The following KCNQ2 variants were observed in gnomAD, a reference collection of about 807,000 sequenced individuals.
The protein encoded by KCNQ2 is potassium voltage-gated channel subfamily KQT member 2.
KCNQ2 carries 14 observed loss-of-function variants against 84.8 expected under a neutral mutation model. That is an observed-to-expected ratio of 0.17 (90% confidence interval 0.11 to 0.26). KCNQ2 has a LOEUF of 0.26. KCNQ2 is among the 10% of genes least tolerant of loss of function. KCNQ2 has a pLI of 1.00. For missense variants in KCNQ2, 788 were observed against 1,254.0 expected, an observed-to-expected ratio of 0.63 and a Z score of 5.61; for synonymous variants, 599 against 554.1, an observed-to-expected ratio of 1.08 and a Z score of -1.14.
Position 63,408,586 on chromosome 20 carries a change from G to GC in KCNQ2, c.1764-51dup. On this transcript the variant is annotated intron_variant, in intron 15 of 16. Transcript: ENST00000359125. This position sits in a 1 kb window ranked among gnomAD's most constrained non-coding sequence, Gnocchi z 5.0. ...CATGAGTTCGGGTGGGTGCAGCAGG[G>GC]CCCCTGCCCTCTCCTCCTGGACCAG... 13 of 1,599,854 alleles carry GC rather than the reference G, an allele frequency of 8.1e-6. No individual in the cohort carries two copies. The highest frequency in any genetic ancestry group is 1.0e-5 in the Non-Finnish European group (12 of 1,175,544).
intron 1 of KCNQ2, among the ~76,000 whole-genome samples, chr20:63,453,157 T>G (rs1025623251): frequency 6.6e-6 from 1 of 151,274 alleles, no homozygotes; most frequent in Admixed American, 6.6e-5. Flanking sequence ...AGGAAGGCCC[T>G]GTGTCGGGCA....
In KCNQ2 at chr20:63,407,319, C is replaced by A; in HGVS notation, c.1944G>T (p.Met648Ile). 6.3e-7 allele frequency: 1 copy of A among 1,596,814 alleles called. No individual in the cohort carries two copies. Among genetic ancestry groups the A allele is most frequent in the South Asian group, 1.1e-5 (1 of 90,986 alleles). ...DFLVNIYMQR[M>I]GIPPTETEAY... Reference sequence around the variant, plus strand: ...CCTCGGTCTCTGTCGGGGGGATGCCCATCCGCTGCATGTAGATATTCACCA... The same window carrying A: ...CCTCGGTCTCTGTCGGGGGGATGCCAATCCGCTGCATGTAGATATTCACCA... Residue 648 changes from methionine to isoleucine, a missense_variant, in exon 17 of 17, where the codon ATG (methionine) becomes ATT (isoleucine). Around this residue, in one of 8 missense-constraint regions of KCNQ2, gnomAD observed 378 missense variants for 434.5 expected, o/e 0.87. Transcript: ENST00000359125. The surrounding 1 kb of genome is among the most constrained non-coding windows in gnomAD (Gnocchi z 7.2).
rs936596297 is a variant in KCNQ2 at position 63,433,810 on chromosome 20, T to C, written c.1117A>G (p.Ser373Gly). Residue 373 changes from serine (S) to glycine (G), a missense_variant and splice_region_variant, in exon 8 of 17, where the codon AGT becomes GGT. This residue lies in a region of KCNQ2 where 202 missense variants were observed against 239.4 expected (regional missense o/e 0.84). Coordinates refer to ENST00000359125, the MANE Select transcript of KCNQ2 (RefSeq NM_172107.4). ...GTGGCAGGTGCCCGGCGGCGGTACCTGTACATGGGCACGGTGACCGTTCGC... is the reference window on the plus strand; with the variant it reads ...GTGGCAGGTGCCCGGCGGCGGTACCCGTACATGGGCACGGTGACCGTTCGC... ...YERTVTVPMY[S>G]SQTQTYGASR... 2.5e-6 allele frequency: 4 copies of C among 1,613,962 alleles called. No homozygotes were observed. Among genetic ancestry groups the C allele is most frequent in the Non-Finnish European group, 3.4e-6 (4 of 1,179,956 alleles).
At position 63,406,355 on chromosome 20, in the gene KCNQ2, A is replaced by T; in HGVS notation, c.*289T>A. 1 of 411,768 alleles carries T rather than the reference A, an allele frequency of 2.4e-6. No homozygotes were observed. The highest frequency in any genetic ancestry group is 4.4e-6 in the Non-Finnish European group (1 of 226,078). The allele number at this position is 411,768 out of a possible 1,614,324, so 25.5% of individuals were successfully genotyped here. On this transcript the variant is annotated 3_prime_UTR_variant, in exon 17 of 17. Transcript: ENST00000359125. The stretch of plus-strand genomic sequence containing the variant: ...TCCCGCCCCTCCTCACACCGGGCTG[A>T]TGTCGGCCGCGGCCCTGAGCAGAGT...
chr20:63,451,453 A>C (rs561989439), intron 1 of KCNQ2, among the ~76,000 whole-genome samples: 1 of 152,224 alleles, frequency 6.6e-6, no homozygotes, highest in African/African-American at 2.4e-5. Context: ...CATGACCCAG[A>C]AGCTCTAGGG....
intron 4 of KCNQ2, among the ~76,000 whole-genome samples, chr20:63,442,902 C>CCACCAT (rs2081248313): frequency 4.1e-5 from 1 of 24,214 alleles, no homozygotes; most frequent in Non-Finnish European, 9.3e-5. Flanking sequence ...ACCACCATCA[C>CCACCAT]CACCACCATC....
chr20:63,468,041 T>TA (rs1197919962), intron 1 of KCNQ2, among the ~76,000 whole-genome samples: 1 of 152,212 alleles, frequency 6.6e-6, no homozygotes, highest in Non-Finnish European at 1.5e-5. Flanking sequence ...ACTGTGTAAC[T>TA]AAGCAGCATC....
intron 1 of KCNQ2, chr20:63,448,999 G>A (rs1231825308): frequency 1.3e-5 from 2 of 152,204 alleles, no homozygotes; most frequent in Admixed American, 6.5e-5. Flanking sequence ...CACGGCCAGC[G>A]AGTGGTGGCC....
At chr20:63,417,344 C>T (rs971388151) in intron 12 of KCNQ2, among the ~76,000 whole-genome samples, 7 of 152,250 alleles carry the variant, frequency 4.6e-5, no homozygotes, top group East Asian at 1.9e-4. Context: ...CTCCTGACCC[C>T]GCTCAGGCAG....
At chr20:63,445,477 GCCCCCAAAGGAAACTGCAAGCTGACC>G in intron 2 of KCNQ2, 113 bp from the exon 3 acceptor site, 3 of 1,264,670 alleles carry the variant, frequency 2.4e-6, no homozygotes, top group Non-Finnish European at 2.2e-6. Context: ...AGGGCAGGAG[GCCCCCAAAGGAAACTGCAAGCTGACC>G]CCCCCACCCC....
intron 15 of KCNQ2, among the ~76,000 whole-genome samples, chr20:63,413,074 C>T (rs974946210): frequency 2.0e-4 from 31 of 152,252 alleles, no homozygotes; most frequent in African/African-American, 7.2e-4. Context: ...CACATGTATG[C>T]ACCCCACACA....
rs2080407452 is a variant in KCNQ2 at position 63,419,692 on chromosome 20, A to T, written c.1248-20T>A. Reference sequence around the variant, plus strand: ...CCTTTACTGGAAATGAGGAGAGCACAGTTAGTCCTGGGCGCCGGCAACAGC... The same window carrying T: ...CCTTTACTGGAAATGAGGAGAGCACTGTTAGTCCTGGGCGCCGGCAACAGC... On this transcript the variant is annotated intron_variant, in intron 11 of 16. Transcript: ENST00000359125. The T allele has an allele frequency of 6.2e-7, 1 of 1,605,642 alleles. No individual in the cohort carries two copies. The highest frequency in any genetic ancestry group is 1.7e-5 in the Admixed American group (1 of 58,844).
Position 63,403,755 on chromosome 20 carries a change from ATG to A in KCNQ2, c.*2887_*2888del, listed in dbSNP as rs2079857851. The A allele has an allele frequency of 6.6e-6, 1 of 152,286 alleles. No homozygotes were observed. Among genetic ancestry groups the A allele is most frequent in the Non-Finnish European group, 1.5e-5 (1 of 68,058 alleles). The allele number at this position is 152,286 out of a possible 1,614,324, so 9.4% of individuals were successfully genotyped here. On this transcript the variant is annotated 3_prime_UTR_variant, in exon 17 of 17. Transcript: ENST00000359125. ...TGTGTACGCCTGTATGCGGACATGTATGTGAGCACGTGTGTGTGCCAGTGGGC... is the reference window on the plus strand; with the variant it reads ...TGTGTACGCCTGTATGCGGACATGTATGAGCACGTGTGTGTGCCAGTGGGC...
At chr20:63,410,255 G>A (rs948366256) in intron 15 of KCNQ2, among the ~76,000 whole-genome samples, 1 of 152,148 alleles carries the variant, frequency 6.6e-6, no homozygotes, top group African/African-American at 2.4e-5. Context: ...ATGACGGGCC[G>A]CCCGCCTGCT....
chr20:63,455,363 A>AC (rs2081751357), intron 1 of KCNQ2, among the ~76,000 whole-genome samples: 1 of 152,114 alleles, frequency 6.6e-6, no homozygotes, highest in Admixed American at 6.5e-5. Context: ...GAGCCCTGGC[A>AC]CCCACCACTG....
chr20:63,457,158 A>T (rs189744608), intron 1 of KCNQ2, among the ~76,000 whole-genome samples: 1 of 152,106 alleles, frequency 6.6e-6, no homozygotes, highest in Non-Finnish European at 1.5e-5. Flanking sequence ...GTGATGGATC[A>T]CTGCAGACCG....
Position 63,446,646 on chromosome 20 carries a change from G to T in KCNQ2, c.387+101C>A. 1.0e-6 allele frequency: 1 copy of T among 956,756 alleles called. No individual in the cohort carries two copies. Among genetic ancestry groups the T allele is most frequent in the Non-Finnish European group, 1.7e-6 (1 of 592,594 alleles). The allele number at this position is 956,756 out of a possible 1,614,324, so 59.3% of individuals were successfully genotyped here. A position where few individuals can be genotyped will look rare whatever the true frequency, so the allele number is the denominator to read the frequency against. The stretch of plus-strand genomic sequence containing the variant: ...AGACATGGCCAGAGCTGGGGCTGGG[G>T]GCGTCAGAGGCCCTGTAGTAACAGG... On this transcript the variant is annotated intron_variant, in intron 2 of 16. Coordinates refer to ENST00000359125, the MANE Select transcript of KCNQ2 (RefSeq NM_172107.4). This position sits in a 1 kb window ranked among gnomAD's most constrained non-coding sequence, Gnocchi z 5.5.
At chr20:63,410,868 G>A (rs1027346353) in intron 15 of KCNQ2, 2 of 367,346 alleles carry the variant, frequency 5.4e-6, no homozygotes, top group Non-Finnish European at 5.4e-6. Context: ...GAAGGCCAGG[G>A]GTCTATGCTC....
intron 7 of KCNQ2, among the ~76,000 whole-genome samples, chr20:63,436,211 G>T (rs774006152): frequency 3.9e-5 from 6 of 152,144 alleles, no homozygotes; most frequent in Admixed American, 3.3e-4. Context: ...GAATCGATGC[G>T]GCAAACCTCA....
Sources: allele counts gnomAD v4.1 joint callset (sites outside exome capture counted in the v4.1 genomes callset), GRCh38; gene constraint gnomAD v4.1.1; regional missense constraint gnomAD v4.1.1; non-coding constraint Gnocchi (gnomAD v3.1); transcripts MANE v1.5; gene names NCBI Gene and HGNC (gene_info 2026-07-23, HGNC 2026-07-21).